Variants in SNX29 observed in about 807,000 individuals in gnomAD.
The protein encoded by SNX29 is sorting nexin-29.
Under a neutral mutation model 102.1 loss-of-function variants are expected in SNX29, and 78 were observed. That is an observed-to-expected ratio of 0.76 (90% CI 0.64 to 0.92). The LOEUF is 0.92. Among genes scored for constraint, SNX29 ranks in the 40% least tolerant of loss-of-function variants. The pLI is 0.00. For missense variants in SNX29, 1,280 were observed against 1,061.7 expected, an observed-to-expected ratio of 1.21 and a Z score of -2.86; for synonymous variants, 580 against 414.5, an observed-to-expected ratio of 1.40 and a Z score of -4.85.
intron 20 of SNX29, among the ~76,000 whole-genome samples, chr16:12,563,898 C>G (rs34775589): frequency 0.041 from 6,247 of 152,238 alleles, 448 homozygotes; most frequent in African/African-American, 0.14. Context: ...TCTGCCGTCT[C>G]TGGAGCAGGC....
chr16:12,023,672 C>T (rs1194489817), intron 3 of SNX29, among the ~76,000 whole-genome samples: 1 of 152,020 alleles, frequency 6.6e-6, no homozygotes, highest in East Asian at 1.9e-4. Flanking sequence ...TACTGCTTCC[C>T]ATATAAGATG....
At chr16:12,531,816 C>G (rs1053286524) in intron 20 of SNX29, among the ~76,000 whole-genome samples, 2 of 152,194 alleles carry the variant, frequency 1.3e-5, no homozygotes, top group Non-Finnish European at 2.9e-5. Context: ...GCAGAGTGAA[C>G]GTCTTCTAGG....
At chr16:12,077,433 C>G (rs1262907667) in intron 10 of SNX29, among the ~76,000 whole-genome samples, 2 of 146,658 alleles carry the variant, frequency 1.4e-5, no homozygotes, top group African/African-American at 2.6e-5. Flanking sequence ...GTGTGTATCT[C>G]TGTTAACCAT....
intron 20 of SNX29, chr16:12,527,449 C>A: frequency 2.3e-6 from 1 of 430,460 alleles, no homozygotes; most frequent in Non-Finnish European, 4.4e-6. Context: ...CTCCTTGGTT[C>A]TTTCAAATGT....
chr16:11,994,080 C>T (rs1414735900), intron 1 of SNX29, among the ~76,000 whole-genome samples: 1 of 152,188 alleles, frequency 6.6e-6, no homozygotes, highest in Non-Finnish European at 1.5e-5. Context: ...GAGATCGCGC[C>T]ATTGCACTCC....
At chr16:12,502,274 C>G (rs1450387167) in intron 19 of SNX29, among the ~76,000 whole-genome samples, 1 of 152,290 alleles carries the variant, frequency 6.6e-6, no homozygotes, top group Admixed American at 6.5e-5. Flanking sequence ...GGGTTTGAAT[C>G]TTGAGCTAGT....
At chr16:12,382,710 G>T (rs1225719119) in intron 16 of SNX29, among the ~76,000 whole-genome samples, 1 of 152,160 alleles carries the variant, frequency 6.6e-6, no homozygotes. Flanking sequence ...CAGTGGCAGG[G>T]CTGTGTTCCC....
intron 18 of SNX29, among the ~76,000 whole-genome samples, chr16:12,455,796 T>C (rs1204303279): frequency 6.6e-6 from 1 of 152,164 alleles, no homozygotes; most frequent in Non-Finnish European, 1.5e-5. Context: ...ATAGATGAGA[T>C]GTAGGTGGCC....
chr16:12,136,067 C>G (rs2054647878), intron 13 of SNX29, among the ~76,000 whole-genome samples: 1 of 152,246 alleles, frequency 6.6e-6, no homozygotes, highest in Admixed American at 6.5e-5. Context: ...CTTCTTGTGT[C>G]TCACTGGGGC....
At chr16:12,209,914 G>A (rs552526128) in intron 14 of SNX29, among the ~76,000 whole-genome samples, 1 of 152,324 alleles carries the variant, frequency 6.6e-6, no homozygotes, top group East Asian at 1.9e-4. Flanking sequence ...GGGCTGAGAA[G>A]GGTAGCAGGT....
At chr16:12,428,967 A>C (rs556161814) in intron 18 of SNX29, among the ~76,000 whole-genome samples, 2 of 152,342 alleles carry the variant, frequency 1.3e-5, no homozygotes, top group South Asian at 4.1e-4. Flanking sequence ...CAACACACAG[A>C]TACGATTGCG....
At chr16:12,100,044 G>C (rs1055397444) in intron 11 of SNX29, among the ~76,000 whole-genome samples, 1 of 152,176 alleles carries the variant, frequency 6.6e-6, no homozygotes, top group African/African-American at 2.4e-5. Flanking sequence ...GCAGAATCAA[G>C]GCTCAGCGAT....
At chr16:12,451,271 CT>C (rs1289573793) in intron 18 of SNX29, among the ~76,000 whole-genome samples, 1 of 152,188 alleles carries the variant, frequency 6.6e-6, no homozygotes, top group Non-Finnish European at 1.5e-5. Context: ...AATGGAGATG[CT>C]CTGTAATAGA....
intron 19 of SNX29, among the ~76,000 whole-genome samples, chr16:12,489,064 C>T (rs907953367): frequency 9.9e-5 from 15 of 152,106 alleles, no homozygotes; most frequent in Non-Finnish European, 1.5e-4. Context: ...AGACTTAACC[C>T]GTATTCTATC....
Position 12,056,330 on chromosome 16 carries a change from C to G in SNX29, c.1124+4108C>G, listed in dbSNP as rs144074882. Among the ~76,000 whole-genome samples the G allele has an allele frequency of 4.9e-3, 747 of 152,340 alleles. 2 individuals are homozygous for G. The highest frequency in any genetic ancestry group is 0.01 in the Middle Eastern group (3 of 294). ...CCAACACAGTGCAGGGTGACCTTCA[C>G]TTGGCCTGGGCCCTCTGAAGCCAGA... is the stretch of plus-strand genomic sequence containing the variant. On this transcript the variant is annotated intron_variant, in intron 8 of 20. Transcript: ENST00000566228.
chr16:12,369,066 C>T (rs374551228), intron 16 of SNX29, among the ~76,000 whole-genome samples: 1 of 152,164 alleles, frequency 6.6e-6, no homozygotes, highest in Non-Finnish European at 1.5e-5. Context: ...CCACTCACCT[C>T]TCCCACAGGG....
chr16:12,051,768 C>G (rs563051185), intron 7 of SNX29, 79 bp from the exon 8 acceptor site: 8 of 1,554,510 alleles, frequency 5.1e-6, no homozygotes, highest in African/African-American at 4.2e-5. Context: ...TTTCCATAAC[C>G]TGGAGGTGAG....
intron 19 of SNX29, among the ~76,000 whole-genome samples, chr16:12,482,621 A>G (rs1238858074): frequency 6.6e-6 from 1 of 152,196 alleles, no homozygotes; most frequent in Non-Finnish European, 1.5e-5. Flanking sequence ...TGAATTTTGC[A>G]TGCCTTGTTA....
At chr16:12,379,088 A>G (rs998020252) in intron 16 of SNX29, among the ~76,000 whole-genome samples, 2 of 152,198 alleles carry the variant, frequency 1.3e-5, no homozygotes, top group African/African-American at 4.8e-5. Context: ...GCAGACAGCC[A>G]TACTCCACTC....
Sources: allele counts gnomAD v4.1 joint callset (sites outside exome capture counted in the v4.1 genomes callset), GRCh38; gene constraint gnomAD v4.1.1; transcripts MANE v1.5; gene names NCBI Gene and HGNC (gene_info 2026-07-23, HGNC 2026-07-21).